The following CCT5 variants were observed in gnomAD, a reference collection of about 807,000 sequenced individuals.
CCT5 encodes chaperonin containing TCP1 subunit 5, also known as T-complex protein 1 subunit epsilon.
A neutral mutation model predicts 55.0 loss-of-function variants in CCT5; 6 were observed. That is an observed-to-expected ratio of 0.11 (90% CI 0.06 to 0.22). The LOEUF is 0.22. Among genes scored for constraint, CCT5 ranks in the 10% least tolerant of loss-of-function variants. The pLI is 1.00. For missense variants in CCT5, 560 were observed against 694.6 expected (o/e 0.81, Z 2.18); for synonymous variants, 231 against 243.7 (o/e 0.95, Z 0.49).
chr5:10,250,032 A>G, upstream of CCT5: 1 of 1,543,080 alleles, frequency 6.5e-7, no homozygotes, highest in Non-Finnish European at 8.7e-7. Flanking sequence ...CCCACTATCG[A>G]GAAACTATCA....
intron 6 of CCT5, among the ~76,000 whole-genome samples, chr5:10,259,267 A>G (rs1008313921): frequency 1.3e-5 from 2 of 152,188 alleles, no homozygotes; most frequent in African/African-American, 4.8e-5. Context: ...CTGACATAGC[A>G]ACTCCTCTTT....
chr5:10,258,734 C>T lies in CCT5; in HGVS notation c.873+199C>T, dbSNP rs182698282. ...AGCGTGTTCAGGCCAGGTGCAGTGG[C>T]CATGCCTATAATCCCAGCACTTTGG... On this transcript the variant is annotated intron_variant, in intron 6 of 10. Transcript: ENST00000280326. Among the ~76,000 whole-genome samples the T allele has an allele frequency of 1.5e-3, 227 of 152,306 alleles. 4 individuals are homozygous for T. Among genetic ancestry groups the T allele is most frequent in the Non-Finnish European group, 1.2e-3 (80 of 68,032 alleles).
chr5:10,255,079 T>G, intron 3 of CCT5: 1 of 523,644 alleles, frequency 1.9e-6, no homozygotes. Flanking sequence ...GGACACTGAT[T>G]TTGCTTGTCT....
chr5:10,258,495 A>C lies in CCT5; in HGVS notation c.833A>C (p.Gln278Pro). Residue 278 changes from glutamine (Q) to proline (P), a missense_variant, in exon 6 of 11, where the codon CAG becomes CCG. Physicochemically the swap from Gln to Pro is moderately conservative, Grantham distance 76. Coordinates refer to ENST00000280326, the MANE Select transcript of CCT5 (RefSeq NM_012073.5). ...VTSVEDYKAL[Q>P]KYEKEKFEEM... is the part of the protein sequence containing the mutation. ...TCTGTCGAAGATTATAAAGCCCTTC[A>C]GAAATACGAAAAGGAGAAATTTGAA... 6.2e-7 allele frequency: 1 copy of C among 1,614,064 alleles called. No individual in the cohort carries two copies. The highest frequency in any genetic ancestry group is 8.5e-7 in the Non-Finnish European group (1 of 1,179,930).
At chr5:10,262,693 G>C in intron 9 of CCT5, 75 bp downstream of exon 9, 1 of 1,524,380 alleles carries the variant, frequency 6.6e-7, no homozygotes, top group Non-Finnish European at 9.1e-7. Context: ...GCGGAACAGC[G>C]AGGTGCTGGA....
chr5:10,254,655 A>G lies in CCT5; in HGVS notation c.167-19A>G. The G allele has an allele frequency of 6.2e-7, 1 of 1,613,512 alleles. No individual in the cohort carries two copies. The highest frequency in any genetic ancestry group is 8.5e-7 in the Non-Finnish European group (1 of 1,179,556). ...GTTGCCAGTTTTTTGCGCAAAGCCT[A>G]CTAAACGTTGTTTTTTAGGGCTTGA... On this transcript the variant is annotated intron_variant, in intron 2 of 10. Transcript: ENST00000280326.
chr5:10,266,319 G>C lies in CCT5; in HGVS notation c.*1536G>C, dbSNP rs1443016163. On this transcript the variant is annotated 3_prime_UTR_variant, in exon 11 of 11. Coordinates refer to ENST00000280326, the MANE Select transcript of CCT5 (RefSeq NM_012073.5). Reference sequence around the variant, plus strand: ...GATTGAGAAACTGGTCAATGAACAGGAAGACTTAGAGATGTTTCACAAGCC... The same window carrying C: ...GATTGAGAAACTGGTCAATGAACAGCAAGACTTAGAGATGTTTCACAAGCC... 6.6e-6 allele frequency: 1 copy of C among 152,152 alleles called. No individual in the cohort carries two copies. Among genetic ancestry groups the C allele is most frequent in the African/African-American group, 2.4e-5 (1 of 41,428 alleles). 9.4% of individuals were successfully genotyped at this position (152,152 alleles called of 1,614,324 possible). A position where few individuals can be genotyped will look rare whatever the true frequency, so the allele number is the denominator to read the frequency against.
intron 8 of CCT5, chr5:10,261,949 T>C: frequency 1.6e-6 from 1 of 628,468 alleles, no homozygotes; most frequent in Non-Finnish European, 2.9e-6. Context: ...CTGCTGTCCC[T>C]TAGAGTATAC....
At position 10,261,650 on chromosome 5, in the gene CCT5, A is replaced by T; in HGVS notation, c.1084A>T (p.Ile362Phe). The T allele has an allele frequency of 1.9e-6, 3 of 1,614,056 alleles. No homozygotes were observed. The highest frequency in any genetic ancestry group is 2.5e-6 in the Non-Finnish European group (3 of 1,179,988). ...KLGFAGLVQE[I>F]SFGTTKDKML... ...GGGCTTTGCTGGTCTTGTACAGGAGATCTCATTTGGGACAACTAAGGATAA... is the reference window on the plus strand; with the variant it reads ...GGGCTTTGCTGGTCTTGTACAGGAGTTCTCATTTGGGACAACTAAGGATAA... Residue 362 changes from isoleucine (I) to phenylalanine (F), a missense_variant, in exon 8 of 11, where the codon ATC becomes TTC. Physicochemically the swap from Ile to Phe is conservative, Grantham distance 21 (BLOSUM62 0). Transcript: ENST00000280326.
At position 10,256,144 on chromosome 5, in the gene CCT5, G is replaced by A. The variant is rs1474761450; in HGVS notation, c.521G>A (p.Gly174Asp). The A allele has an allele frequency of 2.5e-6, 4 of 1,612,980 alleles. No individual in the cohort carries two copies. Among genetic ancestry groups the A allele is most frequent in the Non-Finnish European group, 3.4e-6 (4 of 1,179,628 alleles). Residue 174 changes from glycine (G) to aspartate (D), a missense_variant, in exon 4 of 11, where the codon GGC (glycine) becomes GAC (aspartate). By Grantham distance (94) the Gly-to-Asp change is moderately conservative. Transcript: ENST00000280326. ...ATTCAGACAGCAAAAACCACGCTGG[G>A]CTCCAAAGTGTACGTTTCAGTAGAT... ...PLIQTAKTTLGSKVVNSCHRQ... is the reference protein window; with the variant it reads ...PLIQTAKTTLDSKVVNSCHRQ...
Position 10,263,348 on chromosome 5 carries a change from G to A in CCT5, c.1498+34G>A, listed in dbSNP as rs113061039. ...CTGTCACGCCTCTGCGTGGAGGGGG[G>A]GGGATGTCTGATTTAAACTGAATAA... is the stretch of plus-strand genomic sequence containing the variant. On this transcript the variant is annotated intron_variant, in intron 10 of 10. Coordinates refer to ENST00000280326, the MANE Select transcript of CCT5 (RefSeq NM_012073.5). The A allele has an allele frequency of 1.4e-5, 20 of 1,448,304 alleles. No individual in the cohort carries two copies. The African/African-American group carries it at 3.0e-4, about 22-fold the overall frequency. The allele number at this position is 1,448,304 out of a possible 1,614,324, so 89.7% of individuals were successfully genotyped here. A position where few individuals can be genotyped will look rare whatever the true frequency, so the allele number is the denominator to read the frequency against.
Position 10,254,319 on chromosome 5 carries a change from C to G in CCT5, c.166+114C>G. ...GAGGGGAGGCATCTTACTTCCTTAA[C>G]ACAGCCAAAATTTTTTAGTGTATTT... On this transcript the variant is annotated intron_variant, in intron 2 of 10. Transcript: ENST00000280326. 3 of 779,154 alleles carry G rather than the reference C, an allele frequency of 3.9e-6. No homozygotes were observed. The South Asian group carries it at 4.4e-5, about 11-fold the overall frequency. The allele number at this position is 779,154 out of a possible 1,614,324, so 48.3% of individuals were successfully genotyped here.
At chr5:10,264,043 C>T (rs530996440) in intron 10 of CCT5, among the ~76,000 whole-genome samples, 2 of 152,120 alleles carry the variant, frequency 1.3e-5, no homozygotes, top group Admixed American at 1.3e-4. Context: ...GAGGCCAAGC[C>T]GGGTGGATCA....
In CCT5 at chr5:10,260,920, T is replaced by C. The variant is rs771239161; in HGVS notation, c.993+9T>C. On this transcript the variant is annotated intron_variant, in intron 7 of 10. Coordinates refer to ENST00000280326, the MANE Select transcript of CCT5 (RefSeq NM_012073.5). ...GAGGACCTGAAATTGAGGTAGGATG[T>C]TCCACGTGAAGAGACTTTGAGAAGT... 2 of 1,613,878 alleles carry C rather than the reference T, an allele frequency of 1.2e-6. No homozygotes were observed. The highest frequency in any genetic ancestry group is 4.5e-5 in the East Asian group (2 of 44,854).
At chr5:10,250,200 T>A (rs1428871799), upstream of CCT5, 1 of 1,548,478 alleles carries the variant, frequency 6.5e-7, no homozygotes. Flanking sequence ...GGCGTGAAAT[T>A]AGTCTCAGTA....
At chr5:10,250,470 G>C (rs781109373) in intron 1 of CCT5, 25 bp downstream of exon 1, 9 of 1,611,204 alleles carry the variant, frequency 5.6e-6, no homozygotes, top group African/African-American at 1.3e-5. Flanking sequence ...ACCTGCTCGC[G>C]GTGGGCTAAG....
At chr5:10,262,337 G>A in intron 8 of CCT5, 144 bp from the exon 9 acceptor site, 2 of 910,790 alleles carry the variant, frequency 2.2e-6, no homozygotes, top group Non-Finnish European at 3.5e-6. Flanking sequence ...AGGAAGGAAA[G>A]CTAGAAAGAT....
intron 10 of CCT5, 46 bp downstream of exon 10, chr5:10,263,360 T>C: frequency 2.6e-6 from 4 of 1,528,162 alleles, no homozygotes; most frequent in Middle Eastern, 1.7e-4. Flanking sequence ...GGATGTCTGA[T>C]TTAAACTGAA....
intron 4 of CCT5, among the ~76,000 whole-genome samples, chr5:10,257,147 A>G (rs1181615367): frequency 6.6e-6 from 1 of 152,232 alleles, no homozygotes; most frequent in Non-Finnish European, 1.5e-5. Flanking sequence ...CTAAACTCAG[A>G]GTAGTCAGGG....
Sources: allele counts gnomAD v4.1 joint callset (sites outside exome capture counted in the v4.1 genomes callset), GRCh38; gene constraint gnomAD v4.1.1; transcripts MANE v1.5; gene names NCBI Gene and HGNC (gene_info 2026-07-23, HGNC 2026-07-21).